The following GREB1L variants were observed in gnomAD, a reference collection of about 807,000 sequenced individuals.
GREB1L encodes GREB1-like protein.
GREB1L carries 17 observed loss-of-function variants against 200.8 expected under a neutral mutation model. The observed-to-expected ratio is 0.08, with a 90% CI of 0.06 to 0.13. The LOEUF (loss-of-function observed/expected upper bound fraction) is 0.13. GREB1L is among the 10% of genes least tolerant of loss of function. The probability of loss-of-function intolerance (pLI) is 1.00; values close to 1 mark genes in which losing one functional copy is unlikely to be tolerated. For missense variants in GREB1L, 1,657 were observed against 2,367.7 expected, an observed-to-expected ratio of 0.70 and a Z score of 6.23; for synonymous variants, 789 against 893.0, an observed-to-expected ratio of 0.88 and a Z score of 2.08.
intron 1 of GREB1L, among the ~76,000 whole-genome samples, chr18:21,354,071 G>A (rs756284062): frequency 4.6e-5 from 7 of 152,122 alleles, no homozygotes; most frequent in Non-Finnish European, 4.4e-5. Context: ...TTACAGGTGT[G>A]AGCCACTGTA....
At chr18:21,411,674 A>G (rs1375680126) in intron 7 of GREB1L, among the ~76,000 whole-genome samples, 2 of 152,216 alleles carry the variant, frequency 1.3e-5, no homozygotes, top group East Asian at 3.9e-4. Context: ...TATGTGCACC[A>G]AGAGGTATGT....
intron 1 of GREB1L, among the ~76,000 whole-genome samples, chr18:21,326,926 TTTG>T (rs537520281): frequency 9.8e-5 from 15 of 152,336 alleles, no homozygotes; most frequent in African/African-American, 2.9e-4. Context: ...CTCTTCTTTT[TTTG>T]TTGTTGTTTT....
intron 1 of GREB1L, among the ~76,000 whole-genome samples, chr18:21,300,041 C>A (rs936578174): frequency 6.6e-6 from 1 of 152,050 alleles, no homozygotes; most frequent in Non-Finnish European, 1.5e-5. Context: ...CTTAATGCAT[C>A]GATCAGTAGT....
chr18:21,422,362 A>G (rs1598805556), intron 7 of GREB1L, among the ~76,000 whole-genome samples: 1 of 152,366 alleles, frequency 6.6e-6, no homozygotes, highest in East Asian at 1.9e-4. Flanking sequence ...ATACATACAT[A>G]TATAATATAT....
At chr18:21,388,841 A>G (rs1598740232) in intron 4 of GREB1L, among the ~76,000 whole-genome samples, 1 of 152,160 alleles carries the variant, frequency 6.6e-6, no homozygotes, top group East Asian at 1.9e-4. Flanking sequence ...AGACCCCCCT[A>G]TTGGAATTCA....
At chr18:21,373,604 G>T (rs1205919317) in intron 2 of GREB1L, among the ~76,000 whole-genome samples, 1 of 152,150 alleles carries the variant, frequency 6.6e-6, no homozygotes, top group Non-Finnish European at 1.5e-5. Flanking sequence ...AAAGTGCTGG[G>T]ATTCCAGGCC....
intron 7 of GREB1L, among the ~76,000 whole-genome samples, chr18:21,426,012 T>C (rs1468216605): frequency 6.6e-6 from 1 of 152,140 alleles, no homozygotes; most frequent in East Asian, 1.9e-4. Flanking sequence ...TTATAGCTAT[T>C]AGCTATTAGC....
At chr18:21,443,998 A>T (rs542125281) in intron 10 of GREB1L, among the ~76,000 whole-genome samples, 7 of 152,240 alleles carry the variant, frequency 4.6e-5, no homozygotes, top group Non-Finnish European at 1.0e-4. Context: ...ACAGACATAG[A>T]GGGCCAACTG....
chr18:21,336,689 A>C (rs2039190296), intron 1 of GREB1L, among the ~76,000 whole-genome samples: 1 of 152,202 alleles, frequency 6.6e-6, no homozygotes, highest in South Asian at 2.1e-4. Flanking sequence ...TTCAGTTTAT[A>C]CAGTGATCTA....
intron 7 of GREB1L, among the ~76,000 whole-genome samples, chr18:21,420,841 G>T (rs1396231834): frequency 6.6e-6 from 1 of 152,136 alleles, no homozygotes; most frequent in Non-Finnish European, 1.5e-5. Flanking sequence ...TACAATTGTT[G>T]ATAGCAGCTT....
chr18:21,370,266 C>T (rs1256194478), intron 2 of GREB1L, among the ~76,000 whole-genome samples: 1 of 151,994 alleles, frequency 6.6e-6, no homozygotes, highest in Non-Finnish European at 1.5e-5. Flanking sequence ...AATTATATGT[C>T]CCCCAAAACT....
At chr18:21,469,777 A>C (rs2035408080) in intron 15 of GREB1L, among the ~76,000 whole-genome samples, 1 of 152,168 alleles carries the variant, frequency 6.6e-6, no homozygotes, top group African/African-American at 2.4e-5. Flanking sequence ...AGTTCTCATT[A>C]TCTACAATAT....
intron 11 of GREB1L, 79 bp from the exon 12 acceptor site, chr18:21,449,431 C>A: frequency 1.2e-6 from 1 of 829,404 alleles, no homozygotes; most frequent in Non-Finnish European, 1.8e-6. Flanking sequence ...CTGAGAAGGA[C>A]TGCAGGAAAG....
chr18:21,466,344 AAAG>A (rs2035262484), intron 15 of GREB1L, among the ~76,000 whole-genome samples: 1 of 152,124 alleles, frequency 6.6e-6, no homozygotes, highest in African/African-American at 2.4e-5. Context: ...AATTTTTTCC[AAAG>A]TGATTATATT....
chr18:21,454,211 A>G (rs2034652668), intron 14 of GREB1L, among the ~76,000 whole-genome samples, 155 bp from the exon 15 acceptor site: 2 of 152,244 alleles, frequency 1.3e-5, no homozygotes, highest in South Asian at 2.1e-4. Flanking sequence ...AGGCAAATCT[A>G]TTAAAACTCA....
intron 19 of GREB1L, among the ~76,000 whole-genome samples, chr18:21,492,808 T>C (rs2018655): frequency 0.98 from 149,941 of 152,318 alleles, 73,848 homozygotes; most frequent in South Asian, 1. Context: ...ATATTCTGGC[T>C]GCTGTGATGG....
intron 1 of GREB1L, among the ~76,000 whole-genome samples, chr18:21,285,605 G>A (rs1268624159): frequency 6.6e-6 from 1 of 152,146 alleles, no homozygotes; most frequent in Non-Finnish European, 1.5e-5. Flanking sequence ...AAATCAACCA[G>A]AACCTCCTCA....
intron 2 of GREB1L, among the ~76,000 whole-genome samples, chr18:21,377,196 G>C (rs2040108778): frequency 6.6e-6 from 1 of 151,974 alleles, no homozygotes; most frequent in Non-Finnish European, 1.5e-5. Context: ...TTGCAGAATG[G>C]TGATGTGGGT....
At chr18:21,467,593 G>A (rs1275343786) in intron 15 of GREB1L, among the ~76,000 whole-genome samples, 3 of 152,164 alleles carry the variant, frequency 2.0e-5, no homozygotes, top group African/African-American at 7.2e-5. Flanking sequence ...AGTAAGAATT[G>A]TTGAATATGT....
Sources: gnomAD v4.1 joint callset for allele counts (sites outside exome capture counted in the v4.1 genomes callset) on GRCh38, gnomAD v4.1.1 for gene constraint, MANE v1.5 for transcripts, NCBI Gene and HGNC (gene_info 2026-07-23, HGNC 2026-07-21) for gene names.